Variants in TGM2 observed in about 807,000 individuals in gnomAD.
TGM2 encodes transglutaminase 2.
A neutral mutation model predicts 75.6 loss-of-function variants in TGM2; 53 were observed. That is an observed-to-expected ratio of 0.70 (90% confidence interval 0.56 to 0.88). The LOEUF (loss-of-function observed/expected upper bound fraction) is 0.88. Among genes scored for constraint, TGM2 ranks in the 40% least tolerant of loss-of-function variants. TGM2 has a pLI of 0.00. For synonymous variants in TGM2, 374 were observed against 381.1 expected, an observed-to-expected ratio of 0.98 and a Z score of 0.22; for missense variants, 842 against 928.5, an observed-to-expected ratio of 0.91 and a Z score of 1.21.
In TGM2 at chr20:38,139,489, A is replaced by G. The variant is rs2074942704; in HGVS notation, c.1265T>C (p.Val422Ala). The G allele has an allele frequency of 2.5e-6, 4 of 1,614,186 alleles. No individual in the cohort carries two copies. The highest frequency in any genetic ancestry group is 2.2e-5 in the East Asian group (1 of 44,888). Reference sequence around the variant, plus strand: ...GCTCTTAGTGCTGATCTTCAGCCCAACGATCAGGGAACGGTTGATGGATTT... The same window carrying G: ...GCTCTTAGTGCTGATCTTCAGCCCAGCGATCAGGGAACGGTTGATGGATTT... ...VHKSINRSLI[V>A]GLKISTKSVG... is the part of the protein sequence containing the mutation. The change falls in exon 9 of 13, where the codon GTT becomes GCT. Residue 422 changes from valine to alanine, a missense_variant. Coordinates refer to ENST00000361475, the MANE Select transcript of TGM2 (RefSeq NM_004613.4).
chr20:38,147,293 C>T (rs1272491352), intron 5 of TGM2, among the ~76,000 whole-genome samples: 1 of 152,238 alleles, frequency 6.6e-6, no homozygotes, highest in South Asian at 2.1e-4. Flanking sequence ...AGCCTCCTGA[C>T]CATGATCCAA....
chr20:38,165,431 A>G, upstream of TGM2: 2 of 603,700 alleles, frequency 3.3e-6, no homozygotes, highest in Non-Finnish European at 5.7e-6. Context: ...CGAGGGAGGG[A>G]CGGCGGCCGG....
intron 10 of TGM2, among the ~76,000 whole-genome samples, chr20:38,137,229 A>T (rs1001596241): frequency 2.6e-5 from 4 of 152,212 alleles, no homozygotes; most frequent in African/African-American, 4.8e-5. Context: ...TCACACCTAT[A>T]ATCCCAGCAC....
chr20:38,142,310 CT>C, intron 6 of TGM2, 111 bp from the exon 7 acceptor site: 1 of 1,535,832 alleles, frequency 6.5e-7, no homozygotes. Context: ...TGTCCAAGTG[CT>C]GAGAACATGA....
Position 38,132,445 on chromosome 20 carries a change from C to T in TGM2, c.1671G>A (p.Glu557=). The change falls in exon 11 of 13, where the codon GAG becomes GAA. Residue 557 remains glutamate (E), a synonymous_variant. Transcript: ENST00000361475. ...GGGCCCGCACCTTGATGAGGTTGGA[C>T]TCCGTAAGGCAGTCACGGTATTTCT... ...LYEKYRDCLT[E]SNLIKVRALL... The T allele has an allele frequency of 1.2e-6, 2 of 1,614,162 alleles. No homozygotes were observed. Among genetic ancestry groups the T allele is most frequent in the Non-Finnish European group, 1.7e-6 (2 of 1,180,024 alleles).
intron 4 of TGM2, among the ~76,000 whole-genome samples, chr20:38,150,433 C>T (rs1024623577): frequency 6.6e-6 from 1 of 152,172 alleles, no homozygotes; most frequent in Non-Finnish European, 1.5e-5. Context: ...ATCAGCAGTT[C>T]CCAAAGTATG....
chr20:38,156,576 G>A (rs1187970668), intron 2 of TGM2, among the ~76,000 whole-genome samples: 1 of 152,248 alleles, frequency 6.6e-6, no homozygotes, highest in Non-Finnish European at 1.5e-5. Flanking sequence ...CGCTGAGCAG[G>A]AAGGGACCTC....
At chr20:38,141,928 T>C in intron 7 of TGM2, 136 bp downstream of exon 7, 1 of 1,061,688 alleles carries the variant, frequency 9.4e-7, no homozygotes, top group Non-Finnish European at 1.4e-6. Context: ...CTCTAGGCCT[T>C]CCCCAAGCCT....
chr20:38,166,680 C>T (rs143792338), upstream of TGM2: 3 of 152,310 alleles, frequency 2.0e-5, no homozygotes, highest in African/African-American at 4.8e-5. Context: ...AAGTAGCCCC[C>T]GTCTCCATTC....
Position 38,165,231 on chromosome 20 carries a change from C to G in TGM2, c.-33G>C. ...CGGGGGCGGTGGCTCCTTCCACTGG[C>G]GGCGAGACCCTCCAAGTGCGACCAC... On this transcript the variant is annotated 5_prime_UTR_variant, in exon 1 of 13. Coordinates refer to ENST00000361475, the MANE Select transcript of TGM2 (RefSeq NM_004613.4). 1.9e-6 allele frequency: 3 copies of G among 1,612,468 alleles called. No individual in the cohort carries two copies. Among genetic ancestry groups the G allele is most frequent in the Non-Finnish European group, 2.5e-6 (3 of 1,179,842 alleles).
chr20:38,130,966 G>T, intron 12 of TGM2, 127 bp downstream of exon 12: 1 of 1,453,122 alleles, frequency 6.9e-7, no homozygotes, highest in Non-Finnish European at 9.4e-7. Flanking sequence ...CTGGGAGTGG[G>T]CACAGCTGTG....
At position 38,138,311 on chromosome 20, in the gene TGM2, T is replaced by C. The variant is rs1456387519; in HGVS notation, c.1417A>G (p.Met473Val). The C allele has an allele frequency of 6.2e-7, 1 of 1,614,190 alleles. No individual in the cohort carries two copies. Among genetic ancestry groups the C allele is most frequent in the East Asian group, 2.2e-5 (1 of 44,886 alleles). Reference sequence around the variant, plus strand: ...TGGCCCACACGGATCCGCATGGCCATCCCTGTCTCCTCCTTCTCGGCCAGT... The same window carrying C: ...TGGCCCACACGGATCCGCATGGCCACCCCTGTCTCCTCCTTCTCGGCCAGT... ...NKLAEKEETG[M>V]AMRIRVGQSM... The change falls in exon 10 of 13, where the codon ATG (methionine) becomes GTG (valine). Residue 473 changes from methionine (M) to valine (V), a missense_variant. Coordinates refer to ENST00000361475, the MANE Select transcript of TGM2 (RefSeq NM_004613.4).
chr20:38,145,760 CTCT>C (rs2075036293), intron 6 of TGM2: 1 of 141,620 alleles, frequency 7.1e-6, no homozygotes, highest in Non-Finnish European at 1.5e-5. Context: ...TGTGCTCTCT[CTCT>C]TTTTTTTTTT....
At chr20:38,157,193 G>T (rs890447490) in intron 2 of TGM2, among the ~76,000 whole-genome samples, 1 of 152,120 alleles carries the variant, frequency 6.6e-6, no homozygotes, top group Non-Finnish European at 1.5e-5. Flanking sequence ...ATTGGGGCCT[G>T]CTCACCCAGG....
In TGM2 at chr20:38,146,823, G is replaced by C; in HGVS notation, c.753C>G (p.Pro251=). ...TGTCCACGCTGCCGATCCAGGACAT[G>C]GGGCTGACGCCGTCCCCGTAGTTGT... ...WDNNYGDGVS[P]MSWIGSVDIL... The change falls in exon 6 of 13, where the codon CCC becomes CCG. Residue 251 remains proline, a synonymous_variant. Transcript: ENST00000361475. 1 of 1,614,134 alleles carries C rather than the reference G, an allele frequency of 6.2e-7. No individual in the cohort carries two copies. The highest frequency in any genetic ancestry group is 8.5e-7 in the Non-Finnish European group (1 of 1,180,042).
intron 4 of TGM2, 85 bp from the exon 5 acceptor site, chr20:38,148,174 T>A: frequency 6.4e-7 from 1 of 1,572,062 alleles, no homozygotes; most frequent in Non-Finnish European, 8.7e-7. Context: ...CCAGCAGCTG[T>A]TTCCCACTCT....
In TGM2 at chr20:38,141,306, G is replaced by A. The variant is rs1380571441; in HGVS notation, c.1075C>T (p.Pro359Ser). 6.9e-6 allele frequency: 11 copies of A among 1,583,958 alleles called. No individual in the cohort carries two copies. The highest frequency in any genetic ancestry group is 7.7e-6 in the Non-Finnish European group (9 of 1,165,114). The change falls in exon 8 of 13, where the codon CCA becomes TCA. Residue 359 changes from proline to serine, a missense_variant. Transcript: ENST00000361475. ...CCTTCGCTCTTCTCCTGGGGCGTTG[G>A]GTCCAGGGCCTGCCAGCCCTCGTAC... ...PGYEGWQALD[P>S]TPQEKSEGTY... is the part of the protein sequence containing the mutation.
intron 10 of TGM2, among the ~76,000 whole-genome samples, chr20:38,135,402 T>TACACACACACACACAC (rs1323023847): frequency 1.2e-5 from 1 of 83,826 alleles, no homozygotes; most frequent in Non-Finnish European, 2.6e-5. Flanking sequence ...CTCCTAAATG[T>TACACACACACACACAC]ATACACACAC....
chr20:38,132,563 A>C (rs1360881349), intron 10 of TGM2, 63 bp from the exon 11 acceptor site: 1 of 1,595,050 alleles, frequency 6.3e-7, no homozygotes, highest in Non-Finnish European at 8.6e-7. Flanking sequence ...CTCTCTTGCA[A>C]CTCCAAGAGG....
Sources: allele counts gnomAD v4.1 joint callset (sites outside exome capture counted in the v4.1 genomes callset), GRCh38; gene constraint gnomAD v4.1.1; transcripts MANE v1.5; gene names NCBI Gene and HGNC (gene_info 2026-07-23, HGNC 2026-07-21).